The following NTN1 variants were observed in gnomAD, a reference collection of about 807,000 sequenced individuals.
NTN1 encodes netrin-1.
In NTN1, 11 loss-of-function variants were observed where a neutral mutation model predicts 54.2. The observed-to-expected ratio is 0.20, with a 90% CI of 0.13 to 0.34. The LOEUF (loss-of-function observed/expected upper bound fraction) is 0.34, where lower values mean the gene tolerates loss of function less well. Ranked by LOEUF, NTN1 falls within the 10% of genes least tolerant of loss-of-function variation. The pLI is 1.00. For missense variants in NTN1, 740 were observed against 893.1 expected, an observed-to-expected ratio of 0.83 and a Z score of 2.18; for synonymous variants, 371 against 382.0, an observed-to-expected ratio of 0.97 and a Z score of 0.33.
chr17:9,187,051 A>G (rs779465876), intron 5 of NTN1, among the ~76,000 whole-genome samples: 16 of 152,130 alleles, frequency 1.1e-4, no homozygotes, highest in Non-Finnish European at 1.9e-4. Context: ...TGTTGTGAGG[A>G]TTAAATGGGA....
intron 5 of NTN1, among the ~76,000 whole-genome samples, chr17:9,220,039 A>G (rs1905296932): frequency 2.6e-5 from 4 of 152,188 alleles, no homozygotes; most frequent in Admixed American, 2.6e-4. Flanking sequence ...CAGTCTGGGA[A>G]TTGCTAAAAT....
At chr17:9,194,461 G>T (rs920851851) in intron 5 of NTN1, among the ~76,000 whole-genome samples, 6 of 152,346 alleles carry the variant, frequency 3.9e-5, no homozygotes, top group Non-Finnish European at 7.3e-5. Flanking sequence ...GTCAGAGGGT[G>T]TGGAAACGGA....
chr17:9,064,221 G>T (rs2092007973), intron 2 of NTN1, among the ~76,000 whole-genome samples: 1 of 152,148 alleles, frequency 6.6e-6, no homozygotes, highest in Admixed American at 6.5e-5. Flanking sequence ...CTCTATCCAT[G>T]CTTCCATCCA....
At chr17:9,051,165 A>G (rs932921791) in intron 2 of NTN1, among the ~76,000 whole-genome samples, 1 of 152,188 alleles carries the variant, frequency 6.6e-6, no homozygotes, top group Non-Finnish European at 1.5e-5. Flanking sequence ...TTGGCAGGCC[A>G]CTTAAAGTTA....
At chr17:9,187,654 C>CAAAAA (rs763852001) in intron 5 of NTN1, among the ~76,000 whole-genome samples, 18 of 52,912 alleles carry the variant, frequency 3.4e-4, no homozygotes, top group South Asian at 9.5e-4. Context: ...CTCATCTCTC[C>CAAAAA]AAAAAAAAAA....
chr17:9,160,420 C>G (rs1597510704), intron 2 of NTN1, among the ~76,000 whole-genome samples: 1 of 151,876 alleles, frequency 6.6e-6, no homozygotes, highest in African/African-American at 2.4e-5. Context: ...ATCTTTTAAA[C>G]ATTGTGAAGA....
At chr17:9,106,463 T>C (rs550541709) in intron 2 of NTN1, among the ~76,000 whole-genome samples, 4 of 103,334 alleles carry the variant, frequency 3.9e-5, no homozygotes, top group Non-Finnish European at 9.4e-5. Context: ...CTTCCTTCCT[T>C]CCTCCCTTCC....
At chr17:9,067,683 G>C (rs528813895) in intron 2 of NTN1, among the ~76,000 whole-genome samples, 30 of 152,034 alleles carry the variant, frequency 2.0e-4, no homozygotes, top group Non-Finnish European at 3.4e-4. Flanking sequence ...TTCTTCAGTC[G>C]CCTCCCATGC....
rs750374061 is a variant in NTN1 at position 9,212,658 on chromosome 17, C to T, written c.1412-8510C>T. Among the ~76,000 whole-genome samples, 2 of 152,196 alleles carry T rather than the reference C, an allele frequency of 1.3e-5. No individual in the cohort carries two copies. The highest frequency in any genetic ancestry group is 2.9e-5 in the Non-Finnish European group (2 of 68,030). On this transcript the variant is annotated intron_variant, in intron 5 of 6. Coordinates refer to ENST00000173229, the MANE Select transcript of NTN1 (RefSeq NM_004822.3). This position sits in a 1 kb window ranked among gnomAD's most constrained non-coding sequence, Gnocchi z 5.5. ...CTCCTCCCCTACGCCCAGCCCTTGG[C>T]GTCTGCAACTTACCCAACCCTTCCA...
chr17:9,196,265 G>C (rs987306120), intron 5 of NTN1, among the ~76,000 whole-genome samples: 19 of 152,318 alleles, frequency 1.2e-4, no homozygotes, highest in Admixed American at 1.2e-3. Flanking sequence ...ACCAAGGAGG[G>C]TGCTCAACCC....
At chr17:9,113,880 A>G (rs1013423694) in intron 2 of NTN1, among the ~76,000 whole-genome samples, 2 of 151,938 alleles carry the variant, frequency 1.3e-5, no homozygotes, top group African/African-American at 4.8e-5. Context: ...TATATGATTC[A>G]GGCCAGGCGC....
At chr17:9,140,035 A>AT (rs66787576) in intron 2 of NTN1, among the ~76,000 whole-genome samples, 44 of 147,722 alleles carry the variant, frequency 3.0e-4, no homozygotes, top group African/African-American at 4.9e-4. Flanking sequence ...GTTTGCTTCT[A>AT]TTTTTTTTTT....
rs10641432 is a variant in NTN1, at chr17:9,228,820, CTGTGTGTG to C, written c.1486+7603_1486+7610del. On this transcript the variant is annotated intron_variant, in intron 6 of 6. Coordinates refer to ENST00000173229, the MANE Select transcript of NTN1 (RefSeq NM_004822.3). ...GTGGGGAGAAGCCAGATCTGTTCAG[CTGTGTGTG>C]TGTGTGTGTGTGTGTGTGTGTGTGA... 1.9e-3 allele frequency among the ~76,000 whole-genome samples: 271 copies of C among 141,408 alleles called. 1 individual carries two copies. The highest frequency in any genetic ancestry group is 3.5e-3 in the African/African-American group (130 of 37,218). 92.8% of individuals were successfully genotyped at this position (141,408 alleles called of 152,430 possible).
intron 5 of NTN1, among the ~76,000 whole-genome samples, chr17:9,191,974 CA>C (rs199861842): frequency 0.011 from 1,475 of 132,208 alleles, 12 homozygotes; most frequent in East Asian, 0.055. Context: ...GACCCTGTCT[CA>C]AAAAAAAAAA....
At chr17:9,060,443 T>C (rs571606736) in intron 2 of NTN1, among the ~76,000 whole-genome samples, 1 of 152,338 alleles carries the variant, frequency 6.6e-6, no homozygotes, top group African/African-American at 2.4e-5. Flanking sequence ...GTTCAGTTTT[T>C]GAGGAGTTAA....
At chr17:9,010,143 C>T in the NTN1 span, among the ~76,000 whole-genome samples, 188 of 152,276 alleles carry the variant, frequency 1.2e-3, 1 homozygote, top group African/African-American at 4.3e-3. Context: ...TCACCATGTC[C>T]CCAAGGATCT....
chr17:9,167,318 C>T (rs887413686), intron 3 of NTN1, among the ~76,000 whole-genome samples: 4 of 152,162 alleles, frequency 2.6e-5, no homozygotes, highest in Admixed American at 6.5e-5. Flanking sequence ...CTCTTTAGAG[C>T]GGGCAAAGAC....
At chr17:9,123,921 C>G (rs1288549422) in intron 2 of NTN1, among the ~76,000 whole-genome samples, 1 of 152,194 alleles carries the variant, frequency 6.6e-6, no homozygotes, top group African/African-American at 2.4e-5. Context: ...TTTGAAAACA[C>G]CGGGAGCGCT....
intron 5 of NTN1, among the ~76,000 whole-genome samples, chr17:9,192,238 T>C (rs1183882828): frequency 6.6e-6 from 1 of 152,206 alleles, no homozygotes; most frequent in Non-Finnish European, 1.5e-5. Flanking sequence ...TATTGCAGCA[T>C]TGCTTATAAT....
Sources: gnomAD v4.1 joint callset for allele counts (sites outside exome capture counted in the v4.1 genomes callset) on GRCh38, gnomAD v4.1.1 for gene constraint, Gnocchi (gnomAD v3.1) non-coding constraint, MANE v1.5 for transcripts, NCBI Gene and HGNC (gene_info 2026-07-23, HGNC 2026-07-21) for gene names.